CRIM1: variants seen among roughly 807,000 people sequenced by gnomAD.
CRIM1 encodes cysteine rich transmembrane BMP regulator 1, also known as cysteine-rich motor neuron 1 protein.
In CRIM1, 32 loss-of-function variants were observed where a neutral mutation model predicts 116.4. The observed-to-expected ratio is 0.27, with a 90% CI of 0.21 to 0.37. CRIM1 has a LOEUF of 0.37. CRIM1 is among the 10% of genes least tolerant of loss of function. The probability of loss-of-function intolerance (pLI) is 1.00; values close to 1 mark genes in which losing one functional copy is unlikely to be tolerated. For missense variants in CRIM1, 1,331 were observed against 1,354.8 expected (o/e 0.98, Z 0.28); for synonymous variants, 590 against 509.2 (o/e 1.16, Z -2.13).
At chr2:36,457,715 T>A (rs753373889) in intron 4 of CRIM1, among the ~76,000 whole-genome samples, 20 of 151,730 alleles carry the variant, frequency 1.3e-4, no homozygotes, top group Non-Finnish European at 2.4e-4. Flanking sequence ...GACCCTCAGA[T>A]AGGAAACCTG....
chr2:36,421,173 C>G (rs1036182887), intron 2 of CRIM1, among the ~76,000 whole-genome samples: 3 of 152,274 alleles, frequency 2.0e-5, no homozygotes, highest in African/African-American at 7.2e-5. Context: ...AAGATGAATA[C>G]AGAGATACTT....
At chr2:36,470,827 A>C (rs996984182) in intron 5 of CRIM1, among the ~76,000 whole-genome samples, 1 of 152,228 alleles carries the variant, frequency 6.6e-6, no homozygotes, top group African/African-American at 2.4e-5. Context: ...GTAGATAGTC[A>C]TTCCTCTGAT....
At chr2:36,468,515 T>C (rs1434219527) in intron 5 of CRIM1, among the ~76,000 whole-genome samples, 1 of 152,200 alleles carries the variant, frequency 6.6e-6, no homozygotes, top group Non-Finnish European at 1.5e-5. Flanking sequence ...ATCCTTGTTA[T>C]TTAGAAACCA....
At chr2:36,538,694 A>C (rs60912389) in intron 14 of CRIM1, among the ~76,000 whole-genome samples, 11,677 of 152,204 alleles carry the variant, frequency 0.077, 1,164 homozygotes, top group East Asian at 0.43. Context: ...GATGTTCTGC[A>C]AGGTAAGGGG....
In CRIM1 at chr2:36,442,642, A is replaced by C. The variant is rs1675942362; in HGVS notation, c.776A>C (p.Glu259Ala). ...TTCGGCGTGGACTGCAGGACTGTGG[A>C]ATGCCCTCCTGTTCAGCAGACCGCG... ...PVFGVDCRTV[E>A]CPPVQQTACP... is the part of the protein sequence containing the mutation. The change falls in exon 4 of 17, where the codon GAA becomes GCA. Residue 259 changes from glutamate (E) to alanine (A), a missense_variant. Physicochemically the swap from Glu to Ala is moderately radical, Grantham distance 107 (BLOSUM62 -1). Coordinates refer to ENST00000280527, the MANE Select transcript of CRIM1 (RefSeq NM_016441.3). 1 of 1,614,134 alleles carries C rather than the reference A, an allele frequency of 6.2e-7. No homozygotes were observed. Among genetic ancestry groups the C allele is most frequent in the Non-Finnish European group, 8.5e-7 (1 of 1,179,984 alleles).
intron 2 of CRIM1, among the ~76,000 whole-genome samples, chr2:36,422,019 G>A (rs1210926487): frequency 3.3e-5 from 5 of 151,528 alleles, no homozygotes; most frequent in Non-Finnish European, 7.4e-5. Context: ...AAACTATTAG[G>A]CACTGAGGCA....
At chr2:36,496,940 T>C (rs1276388633) in intron 7 of CRIM1, among the ~76,000 whole-genome samples, 1 of 152,190 alleles carries the variant, frequency 6.6e-6, no homozygotes, top group Non-Finnish European at 1.5e-5. Context: ...AGAGCAAATA[T>C]CATTTAGAGG....
At chr2:36,454,275 T>A (rs1417023481) in intron 4 of CRIM1, among the ~76,000 whole-genome samples, 1 of 152,158 alleles carries the variant, frequency 6.6e-6, no homozygotes, top group Non-Finnish European at 1.5e-5. Context: ...ATTTAGTGTG[T>A]TCTTTCCTCT....
At chr2:36,374,751 C>T (rs994122609) in intron 1 of CRIM1, among the ~76,000 whole-genome samples, 2 of 152,110 alleles carry the variant, frequency 1.3e-5, no homozygotes, top group South Asian at 2.1e-4. Context: ...CCTGGGCGTG[C>T]TCCAAACAGA....
At chr2:36,357,287 A>AG (rs1036842072) in intron 1 of CRIM1, among the ~76,000 whole-genome samples, 22 of 151,956 alleles carry the variant, frequency 1.4e-4, no homozygotes, top group South Asian at 6.3e-4. Flanking sequence ...CTGAAAGGAA[A>AG]GGGGGGTGGG....
chr2:36,513,590 G>C lies in CRIM1; in HGVS notation c.1815G>C (p.Ser605=). ...CTTCAGCTGGGCCACCCATCCTGTC[G>C]GGCACTTGTCTCACCGTGGATGGTC... is the stretch of plus-strand genomic sequence containing the variant. ...ASASAGPPIL[S]GTCLTVDGHH... is the part of the protein sequence containing the mutation. The change falls in exon 11 of 17, where the codon TCG becomes TCC. Residue 605 remains serine (S), a synonymous_variant. Transcript: ENST00000280527. 1 of 1,614,100 alleles carries C rather than the reference G, an allele frequency of 6.2e-7. No homozygotes were observed. The highest frequency in any genetic ancestry group is 8.5e-7 in the Non-Finnish European group (1 of 1,180,004).
rs1287817324 is a variant in CRIM1, at chr2:36,363,526, G to GCCC, written c.331+6905_331+6906insCCC. Among the ~76,000 whole-genome samples, 26 of 76,870 alleles carry GCCC rather than the reference G, an allele frequency of 3.4e-4. 1 individual carries two copies. The highest frequency in any genetic ancestry group is 5.6e-4 in the Admixed American group (4 of 7,120). The allele number at this position is 76,870 out of a possible 152,430, so 50.4% of individuals were successfully genotyped here. On this transcript the variant is annotated intron_variant, in intron 1 of 16. Transcript: ENST00000280527. ...ATTGTTACTGAATTCAGCAGTCGTCGCCGCCCCCCCCCCCCATGACTATCT... is the reference window on the plus strand; with the variant it reads ...ATTGTTACTGAATTCAGCAGTCGTCGCCCCCGCCCCCCCCCCCCATGACTATCT...
Position 36,396,596 on chromosome 2 carries a change from T to C in CRIM1, c.332-18T>C, listed in dbSNP as rs1295076167. The C allele has an allele frequency of 6.5e-7, 1 of 1,527,066 alleles. No individual in the cohort carries two copies. Among genetic ancestry groups the C allele is most frequent in the Non-Finnish European group, 8.9e-7 (1 of 1,122,798 alleles). The allele number at this position is 1,527,066 out of a possible 1,614,324, so 94.6% of individuals were successfully genotyped here. On this transcript the variant is annotated intron_variant, in intron 1 of 16. Transcript: ENST00000280527. ...GAAGCTGCAAACACACATTATCTGG[T>C]TGTTAATTGTTTTACAGATGAGAAC...
rs191506053 is a variant in CRIM1, at chr2:36,536,017, G to A, written c.2429-1335G>A. ...TGGGGTCCTAGAACCAGTCTCCCAA[G>A]GGACAATTGTAATTGGTAAGAAGAA... On this transcript the variant is annotated intron_variant, in intron 13 of 16. Transcript: ENST00000280527. Among the ~76,000 whole-genome samples, 11 of 152,288 alleles carry A rather than the reference G, an allele frequency of 7.2e-5. No homozygotes were observed. In the East Asian group the frequency reaches 1.9e-3, roughly 27 times the overall value.
intron 1 of CRIM1, among the ~76,000 whole-genome samples, chr2:36,362,417 T>C (rs1669286468): frequency 6.6e-6 from 1 of 152,144 alleles, no homozygotes; most frequent in Admixed American, 6.5e-5. Context: ...GTGCAATTGG[T>C]CTCAGTGTTT....
Position 36,522,136 on chromosome 2 carries a change from A to G in CRIM1, c.2251A>G (p.Asn751Asp). The change falls in exon 13 of 17, where the codon AAT becomes GAT. Residue 751 changes from asparagine to aspartate, a missense_variant. Transcript: ENST00000280527. ...PSLSRNNSVPNYCKNDEGDIF... is the reference protein window; with the variant it reads ...PSLSRNNSVPDYCKNDEGDIF... ...CTTGTCCCGCAATAACAGCGTACCT[A>G]ATTACTGCAAAAATGATGAAGGGGA... 6.2e-7 allele frequency: 1 copy of G among 1,614,166 alleles called. No homozygotes were observed. The highest frequency in any genetic ancestry group is 8.5e-7 in the Non-Finnish European group (1 of 1,180,034).
intron 8 of CRIM1, among the ~76,000 whole-genome samples, chr2:36,502,569 GGTA>G (rs1681075512): frequency 6.6e-6 from 1 of 152,128 alleles, no homozygotes; most frequent in South Asian, 2.1e-4. Flanking sequence ...CCACATTCTA[GGTA>G]GTATTCTAGG....
At chr2:36,446,468 A>G (rs181526058) in intron 4 of CRIM1, among the ~76,000 whole-genome samples, 7 of 152,106 alleles carry the variant, frequency 4.6e-5, no homozygotes, top group Admixed American at 2.6e-4. Context: ...TTTCCCTTCT[A>G]CCTGTGGCCT....
chr2:36,431,332 C>G (rs1199397007), intron 2 of CRIM1, among the ~76,000 whole-genome samples: 2 of 152,124 alleles, frequency 1.3e-5, no homozygotes, highest in Non-Finnish European at 2.9e-5. Flanking sequence ...TTCTTTTACT[C>G]TCCAAGGCAG....
Sources: allele counts gnomAD v4.1 joint callset (sites outside exome capture counted in the v4.1 genomes callset), GRCh38; gene constraint gnomAD v4.1.1; transcripts MANE v1.5; gene names NCBI Gene and HGNC (gene_info 2026-07-23, HGNC 2026-07-21).